Variants in CHD9 observed in about 807,000 individuals in gnomAD.
The protein encoded by CHD9 is ATP-dependent chromatin remodeler CHD9.
CHD9 carries 77 observed loss-of-function variants against 316.1 expected under a neutral mutation model. That is an observed-to-expected ratio of 0.24 (90% CI 0.20 to 0.29). The LOEUF is 0.29. Ranked by LOEUF, CHD9 falls within the 10% of genes least tolerant of loss-of-function variation. The probability of loss-of-function intolerance (pLI) is 1.00; values close to 1 mark genes in which losing one functional copy is unlikely to be tolerated. For synonymous variants in CHD9, 1,129 were observed against 1,158.3 expected, an observed-to-expected ratio of 0.97 and a Z score of 0.51; for missense variants, 2,763 against 3,438.1, an observed-to-expected ratio of 0.80 and a Z score of 4.91.
intron 1 of CHD9, among the ~76,000 whole-genome samples, chr16:53,097,117 C>T (rs560735466): frequency 1.3e-5 from 2 of 152,202 alleles, no homozygotes; most frequent in South Asian, 4.2e-4. Flanking sequence ...TACCCATAAC[C>T]AGAGATAGGG....
At chr16:53,309,913 T>A (rs1000178575) in intron 34 of CHD9, among the ~76,000 whole-genome samples, 3 of 152,196 alleles carry the variant, frequency 2.0e-5, no homozygotes, top group Non-Finnish European at 2.9e-5. Flanking sequence ...AACATACTGA[T>A]CTCCTAAAGT....
chr16:53,072,425 G>A (rs2034160578), intron 1 of CHD9, among the ~76,000 whole-genome samples: 1 of 145,948 alleles, frequency 6.9e-6, no homozygotes, highest in Non-Finnish European at 1.5e-5. Context: ...TTTGAGGCAG[G>A]GTCTTGCTCT....
chr16:53,130,012 T>TC (rs2039148260), intron 1 of CHD9, among the ~76,000 whole-genome samples: 1 of 152,100 alleles, frequency 6.6e-6, no homozygotes, highest in African/African-American at 2.4e-5. Context: ...AGTATCACCC[T>TC]CCCCCACGGC....
At chr16:53,234,803 C>T (rs1355141082) in intron 10 of CHD9, among the ~76,000 whole-genome samples, 1 of 139,672 alleles carries the variant, frequency 7.2e-6, no homozygotes, top group Non-Finnish European at 1.6e-5. Context: ...ACCCACCTTC[C>T]ATTCCTGGTT....
At chr16:53,129,564 G>A (rs998735971) in intron 1 of CHD9, among the ~76,000 whole-genome samples, 1 of 152,228 alleles carries the variant, frequency 6.6e-6, no homozygotes, top group Non-Finnish European at 1.5e-5. Context: ...ATACCACTGT[G>A]TATACCGCAG....
At chr16:53,280,812 A>G (rs1288614308) in intron 24 of CHD9, among the ~76,000 whole-genome samples, 1 of 152,166 alleles carries the variant, frequency 6.6e-6, no homozygotes, top group Non-Finnish European at 1.5e-5. Context: ...TATTTAACCC[A>G]TTCCAATGGA....
chr16:53,193,061 A>G (rs969373914), intron 2 of CHD9, among the ~76,000 whole-genome samples: 1 of 152,198 alleles, frequency 6.6e-6, no homozygotes, highest in Admixed American at 6.5e-5. Flanking sequence ...ACTGTTGTCC[A>G]AAGTGGTTGT....
In CHD9 at chr16:53,144,022, G is replaced by A. The variant is rs991294445; in HGVS notation, c.-164-11904G>A. On this transcript the variant is annotated intron_variant, in intron 1 of 38. Transcript: ENST00000447540. ...ACATTATAGATGAGCTCCTGAAGTG[G>A]GGGGAAAAATATGATATCTTTTGTA... Among the ~76,000 whole-genome samples the A allele has an allele frequency of 4.6e-5, 7 of 151,896 alleles. No individual in the cohort carries two copies. In the South Asian group the frequency reaches 8.3e-4, roughly 18 times the overall value.
intron 37 of CHD9, among the ~76,000 whole-genome samples, chr16:53,318,670 C>A (rs1278105372): frequency 6.6e-6 from 1 of 152,146 alleles, no homozygotes; most frequent in East Asian, 1.9e-4. Context: ...TATTTGTCAG[C>A]GTCTGGAGAC....
chr16:53,261,117 T>G (rs954793235), intron 19 of CHD9, among the ~76,000 whole-genome samples: 9 of 151,714 alleles, frequency 5.9e-5, no homozygotes, highest in African/African-American at 2.2e-4. Flanking sequence ...AAAGGGAATT[T>G]AAATTCATTT....
intron 1 of CHD9, among the ~76,000 whole-genome samples, chr16:53,063,998 G>A (rs2033245441): frequency 6.6e-6 from 1 of 151,114 alleles, no homozygotes; most frequent in African/African-American, 2.4e-5. Flanking sequence ...ACCATGCCCA[G>A]CTAATTTTTT....
intron 2 of CHD9, among the ~76,000 whole-genome samples, chr16:53,197,779 T>C (rs957735689): frequency 9.9e-5 from 15 of 151,782 alleles, no homozygotes; most frequent in Admixed American, 7.2e-4. Flanking sequence ...CTGCCTCAGA[T>C]CCTGAGTAGA....
intron 24 of CHD9, among the ~76,000 whole-genome samples, chr16:53,279,111 A>C (rs112324201): frequency 2.0e-5 from 3 of 152,096 alleles, no homozygotes; most frequent in African/African-American, 7.2e-5. Context: ...AACCAACCCA[A>C]ATGTCCATCA....
At chr16:53,321,147 T>A in intron 37 of CHD9, 2 of 976,042 alleles carry the variant, frequency 2.0e-6, no homozygotes, top group South Asian at 2.7e-5. Context: ...GTATTATTGT[T>A]ATCCCCATTT....
At chr16:53,101,467 A>C (rs2036881824) in intron 1 of CHD9, among the ~76,000 whole-genome samples, 1 of 152,066 alleles carries the variant, frequency 6.6e-6, no homozygotes, top group African/African-American at 2.4e-5. Flanking sequence ...TACAGATGAG[A>C]TATCACTAAA....
chr16:53,193,273 C>G (rs1204116540), intron 2 of CHD9, among the ~76,000 whole-genome samples: 1 of 151,846 alleles, frequency 6.6e-6, no homozygotes, highest in African/African-American at 2.4e-5. Flanking sequence ...ACGGTGAAAC[C>G]CTGTCGCTAC....
At chr16:53,067,878 T>C (rs191879543) in intron 1 of CHD9, among the ~76,000 whole-genome samples, 8 of 152,026 alleles carry the variant, frequency 5.3e-5, no homozygotes, top group African/African-American at 1.9e-4. Context: ...CTGGGCAACA[T>C]AGTGAGACCC....
rs139232431 is a variant in CHD9, at chr16:53,108,601, G to A, written c.-164-47325G>A. Among the ~76,000 whole-genome samples, 126 of 151,942 alleles carry A rather than the reference G, an allele frequency of 8.3e-4. 1 individual carries two copies. The East Asian group carries it at 0.014, about 16-fold the overall frequency. Reference sequence around the variant, plus strand: ...TTAAAACCTCTGTGTGGGGCCGGGCGCGGTGGCTCACTCCTGTAATCCCAG... The same window carrying A: ...TTAAAACCTCTGTGTGGGGCCGGGCACGGTGGCTCACTCCTGTAATCCCAG... On this transcript the variant is annotated intron_variant, in intron 1 of 38. Transcript: ENST00000447540.
chr16:53,300,775 A>C (rs1291915230), intron 30 of CHD9, among the ~76,000 whole-genome samples: 3 of 152,206 alleles, frequency 2.0e-5, no homozygotes, highest in Non-Finnish European at 4.4e-5. Context: ...CATTGCTTGG[A>C]TATTTCTTCC....
Sources: allele counts gnomAD v4.1 joint callset (sites outside exome capture counted in the v4.1 genomes callset), GRCh38; gene constraint gnomAD v4.1.1; transcripts MANE v1.5; gene names NCBI Gene and HGNC (gene_info 2026-07-23, HGNC 2026-07-21).